Variants in GRIA4 observed in about 807,000 individuals in gnomAD.
The protein encoded by GRIA4 is glutamate receptor 4.
A neutral mutation model predicts 104.0 loss-of-function variants in GRIA4; 34 were observed. The ratio of observed to expected loss-of-function variants is 0.33; its 90% CI spans 0.25 to 0.44. The LOEUF (loss-of-function observed/expected upper bound fraction) is 0.44, where lower values mean the gene tolerates loss of function less well. Ranked by LOEUF, GRIA4 falls within the 20% of genes least tolerant of loss-of-function variation. The pLI is 1.00. For synonymous variants in GRIA4, 386 were observed against 381.9 expected, an observed-to-expected ratio of 1.01 and a Z score of -0.13; for missense variants, 750 against 1,096.5, an observed-to-expected ratio of 0.68 and a Z score of 4.46.
At chr11:105,748,539 C>T (rs1159438421) in intron 3 of GRIA4, among the ~76,000 whole-genome samples, 2 of 152,080 alleles carry the variant, frequency 1.3e-5, no homozygotes, top group African/African-American at 2.4e-5. Context: ...TGTGCCAGCA[C>T]GCCCTGCTAA....
At chr11:105,897,822 T>C (rs1946710504) in intron 6 of GRIA4, among the ~76,000 whole-genome samples, 1 of 152,190 alleles carries the variant, frequency 6.6e-6, no homozygotes, top group Non-Finnish European at 1.5e-5. Flanking sequence ...GGTATTTTGC[T>C]GAAGATTTTT....
At chr11:105,736,829 A>G (rs1938985336) in intron 3 of GRIA4, among the ~76,000 whole-genome samples, 1 of 152,124 alleles carries the variant, frequency 6.6e-6, no homozygotes, top group African/African-American at 2.4e-5. Context: ...TATATGCTTC[A>G]AGTTTTAATG....
At chr11:105,912,556 AT>A (rs1398825781) in intron 10 of GRIA4, 1 of 288,548 alleles carries the variant, frequency 3.5e-6, no homozygotes, top group African/African-American at 2.3e-5. Context: ...TTATATATAT[AT>A]ATAAAGGATA....
At position 105,898,305 on chromosome 11, in the gene GRIA4, G is replaced by A. The variant is rs1439197998; in HGVS notation, c.763G>A (p.Gly255Ser). ...TATTTCTCTTGAGAGGTTTATACATGGTGGAGCCAATGTTACTGGATTCCA... is the reference window on the plus strand; with the variant it reads ...TATTTCTCTTGAGAGGTTTATACATAGTGGAGCCAATGTTACTGGATTCCA... Reference protein sequence around the residue: ...KDISLERFIHGGANVTGFQLV... With the variant: ...KDISLERFIHSGANVTGFQLV... Residue 255 changes from glycine (G) to serine (S), a missense_variant, in exon 7 of 17, where the codon GGT (glycine) becomes AGT (serine). By Grantham distance (56) the Gly-to-Ser change is moderately conservative. This residue lies in a region of GRIA4 where 410 missense variants were observed against 502.7 expected (regional missense o/e 0.82). Transcript: ENST00000282499. 3 of 1,567,528 alleles carry A rather than the reference G, an allele frequency of 1.9e-6. No homozygotes were observed. The Admixed American group carries it at 5.0e-5, about 26-fold the overall frequency.
In GRIA4 at chr11:105,773,190, A is replaced by C. The variant is rs558840436; in HGVS notation, c.487+19970A>C. ...TGCTTTTCTCCGTGTTTGTCTATTG[A>C]AATTTCACCTTCTTACAAGTACAAG... On this transcript the variant is annotated intron_variant, in intron 4 of 16. Transcript: ENST00000282499. Among the ~76,000 whole-genome samples the C allele has an allele frequency of 4.6e-5, 7 of 152,232 alleles. No homozygotes were observed. The South Asian group carries it at 1.5e-3, about 32-fold the overall frequency.
chr11:105,965,352 A>AGCT (rs1323346101), intron 14 of GRIA4, among the ~76,000 whole-genome samples: 1 of 151,022 alleles, frequency 6.6e-6, no homozygotes, highest in Non-Finnish European at 1.5e-5. Flanking sequence ...TTTTCCCTAG[A>AGCT]GCTGCTGCTG....
chr11:105,728,389 C>A (rs761161748), intron 3 of GRIA4, among the ~76,000 whole-genome samples: 15 of 152,040 alleles, frequency 9.9e-5, no homozygotes, highest in Non-Finnish European at 1.8e-4. Context: ...TCTTAGATTC[C>A]CACACAATAA....
At chr11:105,637,710 G>A (rs902984053) in intron 3 of GRIA4, among the ~76,000 whole-genome samples, 2 of 152,134 alleles carry the variant, frequency 1.3e-5, no homozygotes, top group Non-Finnish European at 2.9e-5. Flanking sequence ...TCCAAGCCAG[G>A]AGAATATGGC....
intron 13 of GRIA4, among the ~76,000 whole-genome samples, 187 bp from the exon 14 acceptor site, chr11:105,933,535 T>C (rs1320048348): frequency 1.3e-5 from 2 of 152,162 alleles, no homozygotes; most frequent in African/African-American, 4.8e-5. Flanking sequence ...ATGATTTCCT[T>C]AAACAGTGTT....
chr11:105,901,332 T>C (rs1946847757), intron 7 of GRIA4, among the ~76,000 whole-genome samples: 1 of 152,200 alleles, frequency 6.6e-6, no homozygotes, highest in Non-Finnish European at 1.5e-5. Flanking sequence ...AGTTCTTTCT[T>C]CTCTAAGTCC....
At chr11:105,919,721 A>G (rs924044604) in intron 11 of GRIA4, among the ~76,000 whole-genome samples, 1 of 152,200 alleles carries the variant, frequency 6.6e-6, no homozygotes, top group Admixed American at 6.6e-5. Context: ...TGCTAGTGAT[A>G]GCACAATATT....
At chr11:105,612,468 A>G in intron 3 of GRIA4, 34 bp downstream of exon 3, 2 of 1,591,262 alleles carry the variant, frequency 1.3e-6, no homozygotes, top group Middle Eastern at 3.3e-4. Context: ...AAATTAGAAG[A>G]GAACTGAAAC....
chr11:105,649,276 A>G (rs1951620660), intron 3 of GRIA4, among the ~76,000 whole-genome samples: 1 of 152,190 alleles, frequency 6.6e-6, no homozygotes, highest in Admixed American at 6.6e-5. Flanking sequence ...ATTTTAAAAG[A>G]CAATTAATTA....
intron 3 of GRIA4, among the ~76,000 whole-genome samples, chr11:105,705,822 C>T (rs1480015722): frequency 1.3e-5 from 2 of 152,126 alleles, no homozygotes; most frequent in Admixed American, 6.6e-5. Flanking sequence ...AACTTGCACA[C>T]CTTTTTGGAG....
Position 105,905,257 on chromosome 11 carries a change from T to C in GRIA4, c.1114T>C (p.Tyr372His). Residue 372 changes from tyrosine (Y) to histidine (H), a missense_variant, in exon 9 of 17, where the codon TAC becomes CAC. Physicochemically the swap from Tyr to His is moderately conservative, Grantham distance 83. Around this residue, in one of 3 missense-constraint regions of GRIA4, gnomAD observed 410 missense variants for 502.7 expected, o/e 0.82. Coordinates refer to ENST00000282499, the MANE Select transcript of GRIA4 (RefSeq NM_000829.4). ...TGACCACTATGGACGTAGAGTCAAT[T>C]ACACAATGGATGTGTTTGAGCTGAA... The part of the protein sequence containing the change: ...QFDHYGRRVN[Y>H]TMDVFELKST... The C allele has an allele frequency of 6.2e-7, 1 of 1,608,766 alleles. No individual in the cohort carries two copies. The highest frequency in any genetic ancestry group is 8.5e-7 in the Non-Finnish European group (1 of 1,175,226).
chr11:105,791,105 A>T (rs2135803414), intron 4 of GRIA4, among the ~76,000 whole-genome samples: 1 of 152,194 alleles, frequency 6.6e-6, no homozygotes, highest in Non-Finnish European at 1.5e-5. Context: ...CTTCTTGCTG[A>T]TCATGTCTGA....
At chr11:105,844,420 G>T (rs187994084) in intron 4 of GRIA4, among the ~76,000 whole-genome samples, 1 of 152,172 alleles carries the variant, frequency 6.6e-6, no homozygotes, top group Non-Finnish European at 1.5e-5. Context: ...AGTAAATTAT[G>T]AATTCTAGTG....
intron 4 of GRIA4, among the ~76,000 whole-genome samples, chr11:105,861,797 C>G (rs1222549529): frequency 6.6e-6 from 1 of 152,158 alleles, no homozygotes; most frequent in Non-Finnish European, 1.5e-5. Context: ...ATTTTGAGAG[C>G]ACAAGGTATG....
At chr11:105,684,422 A>G (rs1209703358) in intron 3 of GRIA4, among the ~76,000 whole-genome samples, 1 of 151,688 alleles carries the variant, frequency 6.6e-6, no homozygotes, top group Non-Finnish European at 1.5e-5. Flanking sequence ...GTCTGATTTC[A>G]TTTCAATTGC....
Sources: allele counts gnomAD v4.1 joint callset (sites outside exome capture counted in the v4.1 genomes callset), GRCh38; gene constraint gnomAD v4.1.1; regional missense constraint gnomAD v4.1.1; transcripts MANE v1.5; gene names NCBI Gene and HGNC (gene_info 2026-07-23, HGNC 2026-07-21).